The following SUCLG2 variants were observed in gnomAD, a reference collection of about 807,000 sequenced individuals.
SUCLG2 encodes the protein succinate-CoA ligase GDP-forming subunit beta, also known as succinate--CoA ligase [GDP-forming] subunit beta, mitochondrial.
A neutral mutation model predicts 47.9 loss-of-function variants in SUCLG2; 42 were observed. That is an observed-to-expected ratio of 0.88 (90% CI 0.69 to 1.14). The LOEUF (loss-of-function observed/expected upper bound fraction) is 1.14. Among genes scored for constraint, SUCLG2 ranks in the 50% most tolerant of loss-of-function variants. The pLI is 0.00. For missense variants in SUCLG2, 571 were observed against 525.9 expected, an observed-to-expected ratio of 1.09 and a Z score of -0.84; for synonymous variants, 195 against 197.3, an observed-to-expected ratio of 0.99 and a Z score of 0.10.
intron 9 of SUCLG2, among the ~76,000 whole-genome samples, chr3:67,460,034 G>T (rs555505514): frequency 6.6e-6 from 1 of 152,156 alleles, no homozygotes; most frequent in Non-Finnish European, 1.5e-5. Flanking sequence ...AAGCAGTGAC[G>T]TGATTCCACC....
chr3:67,437,733 T>C (rs1168077140), intron 9 of SUCLG2, among the ~76,000 whole-genome samples: 2 of 152,090 alleles, frequency 1.3e-5, no homozygotes, highest in Non-Finnish European at 2.9e-5. Flanking sequence ...TCAGAAAATT[T>C]GGTTGAACGT....
rs373932530 is a variant in SUCLG2 at position 67,529,640 on chromosome 3, A to G, written c.227-454T>C. Among the ~76,000 whole-genome samples, 46 of 152,390 alleles carry G rather than the reference A, an allele frequency of 3.0e-4. No individual in the cohort carries two copies. In the East Asian group the frequency reaches 6.6e-3, roughly 22 times the overall value. ...GGTTTAAAGACAAGACACAAAGGTC[A>G]TAGTTAATAACTGCATTATTGGAAA... On this transcript the variant is annotated intron_variant, in intron 2 of 10. Coordinates refer to ENST00000307227, the MANE Select transcript of SUCLG2 (RefSeq NM_003848.4).
chr3:67,569,260 CAT>C (rs1707547925), intron 2 of SUCLG2, among the ~76,000 whole-genome samples: 1 of 152,236 alleles, frequency 6.6e-6, no homozygotes, highest in Non-Finnish European at 1.5e-5. Context: ...TTCTAGCACT[CAT>C]AGAGTTTACT....
intron 10 of SUCLG2, among the ~76,000 whole-genome samples, chr3:67,393,538 C>T (rs896521799): frequency 2.0e-5 from 3 of 152,236 alleles, no homozygotes; most frequent in Admixed American, 6.5e-5. Context: ...CTGGGTGGAA[C>T]CCACCACAGC....
At chr3:67,382,055 T>C (rs895399802) in intron 10 of SUCLG2, among the ~76,000 whole-genome samples, 6 of 152,216 alleles carry the variant, frequency 3.9e-5, no homozygotes, top group Non-Finnish European at 8.8e-5. Flanking sequence ...TCTGGAAATA[T>C]GTAGAAACTG....
chr3:67,474,157 G>A (rs1445885100), intron 9 of SUCLG2, among the ~76,000 whole-genome samples: 3 of 152,046 alleles, frequency 2.0e-5, no homozygotes, highest in Non-Finnish European at 2.9e-5. Context: ...ATACTCAGGA[G>A]GCTGAGGCAG....
chr3:67,428,966 T>G (rs896171541), intron 9 of SUCLG2, among the ~76,000 whole-genome samples: 1 of 152,180 alleles, frequency 6.6e-6, no homozygotes, highest in Admixed American at 6.5e-5. Flanking sequence ...AGACCAAATC[T>G]ATGTCTGATT....
chr3:67,560,655 G>T (rs1707285269), intron 2 of SUCLG2, among the ~76,000 whole-genome samples: 1 of 152,090 alleles, frequency 6.6e-6, no homozygotes. Flanking sequence ...TACCTAAATG[G>T]TTCTCTTCAC....
At chr3:67,483,840 G>T (rs1213072460) in intron 9 of SUCLG2, among the ~76,000 whole-genome samples, 2 of 152,146 alleles carry the variant, frequency 1.3e-5, no homozygotes, top group Non-Finnish European at 2.9e-5. Flanking sequence ...TCTTGCTGTG[G>T]AATGAATCTT....
chr3:67,377,579 T>C (rs999086365), intron 10 of SUCLG2, among the ~76,000 whole-genome samples: 5 of 152,232 alleles, frequency 3.3e-5, no homozygotes, highest in African/African-American at 1.2e-4. Flanking sequence ...ACACTCGGTT[T>C]TCCTTGTCTG....
chr3:67,583,724 A>G (rs1015507647), intron 2 of SUCLG2, among the ~76,000 whole-genome samples: 11 of 152,226 alleles, frequency 7.2e-5, no homozygotes, highest in Admixed American at 6.5e-5. Flanking sequence ...TGCAGCTACA[A>G]GACTGAGGTA....
At chr3:67,575,069 T>C (rs976037988) in intron 2 of SUCLG2, among the ~76,000 whole-genome samples, 5 of 152,204 alleles carry the variant, frequency 3.3e-5, no homozygotes, top group Admixed American at 6.5e-5. Context: ...TTAGTGAGGA[T>C]ATAAAGAAAT....
chr3:67,653,990 GGCACATTAAAAGTCT>G (rs1240751192), intron 1 of SUCLG2, among the ~76,000 whole-genome samples: 1 of 152,200 alleles, frequency 6.6e-6, no homozygotes, highest in Non-Finnish European at 1.5e-5. Context: ...GACCAACTCA[GGCACATTAAAAGTCT>G]GCAAAAGCAG....
At chr3:67,362,796 A>G (rs1701823159) in intron 10 of SUCLG2, among the ~76,000 whole-genome samples, 1 of 152,188 alleles carries the variant, frequency 6.6e-6, no homozygotes, top group Non-Finnish European at 1.5e-5. Context: ...TCATTCAAAG[A>G]TACCTGAGAG....
At chr3:67,527,374 A>T (rs911384803) in intron 4 of SUCLG2, among the ~76,000 whole-genome samples, 2 of 152,216 alleles carry the variant, frequency 1.3e-5, no homozygotes, top group Admixed American at 6.5e-5. Context: ...AAGGGATTTA[A>T]TGTTTAGCTA....
At position 67,654,518 on chromosome 3, in the gene SUCLG2, C is replaced by A; in HGVS notation, c.69G>T (p.Leu23=). The change falls in exon 1 of 11, where the codon CTG becomes CTT. Residue 23 remains leucine, a synonymous_variant. Coordinates refer to ENST00000307227, the MANE Select transcript of SUCLG2 (RefSeq NM_003848.4). The stretch of plus-strand genomic sequence containing the variant: ...CCACGCTCACCTGGGACCCGGCCGC[C>A]AGGAAGCGGGGCCGCAGCGCTAGGG... ...LRALALRPRF[L]AAGSQAVQLT... 1.6e-6 allele frequency: 2 copies of A among 1,247,600 alleles called. No homozygotes were observed. The highest frequency in any genetic ancestry group is 3.1e-5 in the East Asian group (1 of 32,520). 77.3% of individuals were successfully genotyped at this position (1,247,600 alleles called of 1,614,324 possible). A position where few individuals can be genotyped will look rare whatever the true frequency, so the allele number is the denominator to read the frequency against.
intron 2 of SUCLG2, among the ~76,000 whole-genome samples, chr3:67,599,327 A>G (rs890252416): frequency 6.6e-6 from 1 of 152,228 alleles, no homozygotes; most frequent in Non-Finnish European, 1.5e-5. Context: ...GTGGCCACAC[A>G]CTGGGTAACA....
chr3:67,593,479 T>A (rs1202565442), intron 2 of SUCLG2, among the ~76,000 whole-genome samples: 1 of 152,136 alleles, frequency 6.6e-6, no homozygotes, highest in Admixed American at 6.5e-5. Flanking sequence ...AACTACCCCA[T>A]CCCAAACATC....
chr3:67,432,692 G>C (rs78482996), intron 9 of SUCLG2, among the ~76,000 whole-genome samples: 2 of 152,070 alleles, frequency 1.3e-5, no homozygotes, highest in African/African-American at 2.4e-5. Flanking sequence ...TAGGTTCTAA[G>C]CCTCCAGTTG....
Sources: allele counts gnomAD v4.1 joint callset (sites outside exome capture counted in the v4.1 genomes callset), GRCh38; gene constraint gnomAD v4.1.1; transcripts MANE v1.5; gene names NCBI Gene and HGNC (gene_info 2026-07-23, HGNC 2026-07-21).